Variants in CEP162 observed in about 807,000 individuals in gnomAD.
CEP162 encodes centrosomal protein of 162 kDa.
In CEP162, 141 loss-of-function variants were observed where a neutral mutation model predicts 169.2. The ratio of observed to expected loss-of-function variants is 0.83; its 90% CI spans 0.73 to 0.96. CEP162 has a LOEUF of 0.96. Ranked by LOEUF, CEP162 falls within the 40% of genes least tolerant of loss-of-function variation. The pLI, the probability that CEP162 is intolerant of heterozygous loss-of-function variation, is 0.00. For missense variants in CEP162, 1,600 were observed against 1,587.2 expected (o/e 1.01, Z -0.14); for synonymous variants, 540 against 526.4 (o/e 1.03, Z -0.35).
chr6:84,168,808 A>C (rs1211196477), intron 18 of CEP162, among the ~76,000 whole-genome samples: 1 of 152,228 alleles, frequency 6.6e-6, no homozygotes, highest in East Asian at 1.9e-4. Context: ...TAAAAAAGTT[A>C]TGGAACAGCA....
rs771830148 is a variant in CEP162, at chr6:84,221,127, T to C, written c.102A>G (p.Gln34=). 3.7e-6 allele frequency: 6 copies of C among 1,602,002 alleles called. No homozygotes were observed. In the South Asian group the frequency reaches 6.6e-5, roughly 18 times the overall value. Residue 34 remains glutamine, a synonymous_variant, in exon 3 of 27, where the codon CAA becomes CAG. Transcript: ENST00000403245. Reference sequence around the variant, plus strand: ...CTTTCTTCTTCATCTCTTTTTTAGATTGTCTAGCTGTTTTGTCTGAATTTT... The same window carrying C: ...CTTTCTTCTTCATCTCTTTTTTAGACTGTCTAGCTGTTTTGTCTGAATTTT... ...SFENSDKTAR[Q]SKKEMKKKDT...
intron 19 of CEP162, among the ~76,000 whole-genome samples, chr6:84,162,652 G>A (rs1213736054): frequency 6.6e-6 from 1 of 151,944 alleles, no homozygotes; most frequent in South Asian, 2.1e-4. Context: ...ACCCTCATTT[G>A]GTATCCCAAT....
chr6:84,132,850 C>G (rs1277985810), intron 25 of CEP162, among the ~76,000 whole-genome samples: 1 of 152,122 alleles, frequency 6.6e-6, no homozygotes, highest in Admixed American at 6.5e-5. Flanking sequence ...CTTCTGTCAA[C>G]TCGTCAAAGT....
rs182833370 is a variant in CEP162, at chr6:84,127,459, C to G, written c.3871-947G>C. The stretch of plus-strand genomic sequence containing the variant: ...TATCATCATTGAACAAAGAACTATA[C>G]AGACTATAATTGGGATGGTTTGCAG... On this transcript the variant is annotated intron_variant, in intron 25 of 26. Transcript: ENST00000403245. Among the ~76,000 whole-genome samples, 34 of 152,174 alleles carry G rather than the reference C, an allele frequency of 2.2e-4. 1 individual carries two copies. The highest frequency in any genetic ancestry group is 2.0e-3 in the Admixed American group (31 of 15,270).
At chr6:84,157,417 A>C (rs983970085) in intron 21 of CEP162, among the ~76,000 whole-genome samples, 8 of 152,170 alleles carry the variant, frequency 5.3e-5, no homozygotes, top group African/African-American at 1.9e-4. Context: ...CATGCCTGTA[A>C]TCCCAGCACT....
Sources: gnomAD v4.1 joint callset for allele counts (sites outside exome capture counted in the v4.1 genomes callset) on GRCh38, gnomAD v4.1.1 for gene constraint, MANE v1.5 for transcripts, NCBI Gene and HGNC (gene_info 2026-07-23, HGNC 2026-07-21) for gene names.